SYT16: variants seen among roughly 807,000 people sequenced by gnomAD.
SYT16 encodes synaptotagmin 16, also known as synaptotagmin-16.
Under a neutral mutation model 61.4 loss-of-function variants are expected in SYT16, and 42 were observed. That is an observed-to-expected ratio of 0.68 (90% confidence interval 0.53 to 0.89). SYT16 has a LOEUF of 0.89. Ranked by LOEUF, SYT16 falls within the 40% of genes least tolerant of loss-of-function variation. The probability of loss-of-function intolerance (pLI) is 0.00; values close to 1 mark genes in which losing one functional copy is unlikely to be tolerated. For synonymous variants in SYT16, 314 were observed against 302.3 expected (o/e 1.04, Z -0.40); for missense variants, 804 against 807.3 (o/e 1.00, Z 0.05).
intron 1 of SYT16, among the ~76,000 whole-genome samples, chr14:61,913,154 A>G (rs1456758543): frequency 6.6e-6 from 1 of 152,148 alleles, no homozygotes; most frequent in Non-Finnish European, 1.5e-5. Flanking sequence ...GTGCAAATAT[A>G]CCATATATTT....
intron 3 of SYT16, among the ~76,000 whole-genome samples, chr14:62,042,916 T>C (rs2054794985): frequency 6.6e-6 from 1 of 152,148 alleles, no homozygotes; most frequent in African/African-American, 2.4e-5. Context: ...TTCTCACCTC[T>C]CAGGAATCCC....
chr14:61,947,149 G>A (rs1300507094), intron 1 of SYT16, among the ~76,000 whole-genome samples: 1 of 152,094 alleles, frequency 6.6e-6, no homozygotes, highest in Non-Finnish European at 1.5e-5. Flanking sequence ...AGAAGCAGCA[G>A]AGAATGGTAA....
intron 1 of SYT16, among the ~76,000 whole-genome samples, chr14:61,867,590 A>G (rs2047199755): frequency 6.6e-6 from 1 of 152,128 alleles, no homozygotes. Flanking sequence ...TTTTCTATAT[A>G]CTAGCAATTA....
At chr14:61,951,037 A>G (rs920216982) in intron 1 of SYT16, among the ~76,000 whole-genome samples, 31 of 152,296 alleles carry the variant, frequency 2.0e-4, no homozygotes, top group African/African-American at 6.7e-4. Flanking sequence ...GTTGTTTGTG[A>G]TCTGAGCTTT....
rs2055012275 is a variant in SYT16 at position 62,046,844 on chromosome 14, T to C, written c.524-22759T>C. Among the ~76,000 whole-genome samples the C allele has an allele frequency of 2.0e-5, 3 of 152,318 alleles. No individual in the cohort carries two copies. In the South Asian group the frequency reaches 6.2e-4, roughly 32 times the overall value. ...GTTTTGGTACCAGTACCATGCTGTTTTGGTTACTGTAGCCTTGTAGTATAG... is the reference window on the plus strand; with the variant it reads ...GTTTTGGTACCAGTACCATGCTGTTCTGGTTACTGTAGCCTTGTAGTATAG... On this transcript the variant is annotated intron_variant, in intron 3 of 7. Transcript: ENST00000683842.
chr14:61,922,819 G>T (rs767214801), intron 1 of SYT16, among the ~76,000 whole-genome samples: 6 of 152,202 alleles, frequency 3.9e-5, no homozygotes, highest in Non-Finnish European at 7.3e-5. Flanking sequence ...GGAGGCCAAG[G>T]CAGGCCGATC....
intron 1 of SYT16, among the ~76,000 whole-genome samples, chr14:61,923,601 C>T (rs2049422544): frequency 6.6e-6 from 1 of 152,084 alleles, no homozygotes; most frequent in Admixed American, 6.6e-5. Context: ...ACAGTTGTTT[C>T]CAAATAGGCG....
intron 3 of SYT16, among the ~76,000 whole-genome samples, chr14:62,061,138 A>C (rs1053783988): frequency 6.6e-6 from 1 of 152,144 alleles, no homozygotes; most frequent in African/African-American, 2.4e-5. Flanking sequence ...AATATTGTAT[A>C]ATGCAACGTG....
intron 1 of SYT16, among the ~76,000 whole-genome samples, chr14:61,887,086 C>T (rs1009857080): frequency 2.0e-5 from 3 of 152,060 alleles, no homozygotes; most frequent in African/African-American, 4.8e-5. Flanking sequence ...TGAAATTCCT[C>T]CTTGATCAGT....
intron 1 of SYT16, among the ~76,000 whole-genome samples, chr14:61,879,455 C>G (rs1264137866): frequency 6.6e-6 from 1 of 152,212 alleles, no homozygotes; most frequent in African/African-American, 2.4e-5. Context: ...CAATTCACCT[C>G]TCTGGACTGA....
chr14:61,920,632 T>C (rs546153260), intron 1 of SYT16, among the ~76,000 whole-genome samples: 15 of 152,304 alleles, frequency 9.8e-5, no homozygotes, highest in African/African-American at 2.9e-4. Context: ...TTTGAGACAA[T>C]GCCATTTCAA....
chr14:62,028,165 A>G (rs1595194550), intron 3 of SYT16, among the ~76,000 whole-genome samples: 1 of 152,278 alleles, frequency 6.6e-6, no homozygotes, highest in Non-Finnish European at 1.5e-5. Flanking sequence ...CTGACTAGTC[A>G]TTTATGTTTG....
Position 61,970,283 on chromosome 14 carries a change from A to G in SYT16, c.-173A>G, listed in dbSNP as rs957349408. On this transcript the variant is annotated 5_prime_UTR_variant, in exon 2 of 8. Transcript: ENST00000683842. ...ATCGAGGGAAAAGAAAGCATTCTAA[A>G]GACAAGACTGGGATTCACAAGGGGC... 5 of 152,260 alleles carry G rather than the reference A, an allele frequency of 3.3e-5. No individual in the cohort carries two copies. Among genetic ancestry groups the G allele is most frequent in the African/African-American group, 7.2e-5 (3 of 41,460 alleles). 9.4% of individuals were successfully genotyped at this position (152,260 alleles called of 1,614,324 possible). A position where few individuals can be genotyped will look rare whatever the true frequency, so the allele number is the denominator to read the frequency against.
intron 1 of SYT16, among the ~76,000 whole-genome samples, chr14:61,928,674 G>C (rs1239292410): frequency 6.6e-6 from 1 of 152,142 alleles, no homozygotes; most frequent in Non-Finnish European, 1.5e-5. Context: ...TTGCTTCTTT[G>C]CTATTAGAGG....
chr14:61,847,075 A>C (rs144793946), intron 1 of SYT16, among the ~76,000 whole-genome samples: 1 of 148,810 alleles, frequency 6.7e-6, no homozygotes, highest in African/African-American at 2.6e-5. Context: ...CTTTCTACTT[A>C]AGACTAGTTT....
At chr14:61,910,261 G>A (rs537651489) in intron 1 of SYT16, among the ~76,000 whole-genome samples, 74 of 149,544 alleles carry the variant, frequency 4.9e-4, no homozygotes, top group Non-Finnish European at 8.6e-4. Flanking sequence ...TTTTTGAGAC[G>A]GGGTCTCACT....
chr14:62,041,913 C>G (rs972886222), intron 3 of SYT16, among the ~76,000 whole-genome samples: 1 of 152,070 alleles, frequency 6.6e-6, no homozygotes, highest in Non-Finnish European at 1.5e-5. Context: ...CTGCATTGCC[C>G]AAATCTGCCA....
At chr14:61,850,927 G>T (rs1458251362) in intron 1 of SYT16, among the ~76,000 whole-genome samples, 2 of 151,818 alleles carry the variant, frequency 1.3e-5, no homozygotes, top group Non-Finnish European at 1.5e-5. Flanking sequence ...TAAATTCAGG[G>T]GTACATGTAC....
intron 3 of SYT16, among the ~76,000 whole-genome samples, chr14:62,064,334 G>GA (rs781727444): frequency 0.2 from 8,564 of 42,806 alleles, 1,218 homozygotes; most frequent in African/African-American, 0.28. Context: ...CTTTAAATTT[G>GA]AAAAAAAAAA....
Sources: allele counts gnomAD v4.1 joint callset (sites outside exome capture counted in the v4.1 genomes callset), GRCh38; gene constraint gnomAD v4.1.1; transcripts MANE v1.5; gene names NCBI Gene and HGNC (gene_info 2026-07-23, HGNC 2026-07-21).